OPCML: variants seen among roughly 807,000 people sequenced by gnomAD.
OPCML encodes the protein opioid-binding protein/cell adhesion molecule.
Under a neutral mutation model 37.8 loss-of-function variants are expected in OPCML, and 13 were observed. The ratio of observed to expected loss-of-function variants is 0.34; its 90% confidence interval spans 0.22 to 0.55. The LOEUF (loss-of-function observed/expected upper bound fraction) is 0.55, where lower values mean the gene tolerates loss of function less well. OPCML is among the 20% of genes least tolerant of loss of function. OPCML has a pLI of 0.91. For missense variants in OPCML, 341 were observed against 435.6 expected (o/e 0.78, Z 1.93); for synonymous variants, 176 against 168.8 (o/e 1.04, Z -0.33).
chr11:132,717,900 T>A (rs938488628), intron 2 of OPCML, among the ~76,000 whole-genome samples: 1 of 152,182 alleles, frequency 6.6e-6, no homozygotes, highest in Non-Finnish European at 1.5e-5. Flanking sequence ...TCGCTAGGGA[T>A]CTTCAATCCG....
intron 2 of OPCML, among the ~76,000 whole-genome samples, chr11:132,671,316 T>TA (rs1283278128): frequency 6.6e-6 from 1 of 152,034 alleles, no homozygotes; most frequent in Non-Finnish European, 1.5e-5. Context: ...CTGTCTCTCC[T>TA]AAAAAATAAA....
intron 2 of OPCML, among the ~76,000 whole-genome samples, chr11:132,922,812 T>C (rs966423119): frequency 1.3e-5 from 2 of 152,006 alleles, no homozygotes; most frequent in African/African-American, 4.8e-5. Flanking sequence ...GTGGCTCACG[T>C]CTGTAATCCC....
chr11:132,443,355 G>A (rs1398043960), intron 4 of OPCML, among the ~76,000 whole-genome samples: 1 of 152,222 alleles, frequency 6.6e-6, no homozygotes. Flanking sequence ...GAAGCCAGTG[G>A]GAGTGGGCAG....
intron 1 of OPCML, among the ~76,000 whole-genome samples, chr11:133,226,001 G>T (rs1247335782): frequency 6.6e-6 from 1 of 152,190 alleles, no homozygotes; most frequent in African/African-American, 2.4e-5. Flanking sequence ...TATAGATGAG[G>T]GAACTGTACA....
intron 2 of OPCML, among the ~76,000 whole-genome samples, chr11:132,763,740 C>G (rs1317321172): frequency 1.3e-5 from 2 of 152,204 alleles, no homozygotes; most frequent in East Asian, 1.9e-4. Flanking sequence ...GGAGAGTGCT[C>G]TTGGTGTTGT....
At chr11:132,544,335 A>G (rs2096363986) in intron 3 of OPCML, among the ~76,000 whole-genome samples, 1 of 152,200 alleles carries the variant, frequency 6.6e-6, no homozygotes, top group Non-Finnish European at 1.5e-5. Flanking sequence ...CCACCTGCCC[A>G]CCAGGAACTA....
intron 1 of OPCML, among the ~76,000 whole-genome samples, chr11:133,043,723 T>G (rs1445314171): frequency 6.6e-6 from 1 of 152,088 alleles, no homozygotes; most frequent in Non-Finnish European, 1.5e-5. Flanking sequence ...TACTTTTATG[T>G]GCATGATGAA....
intron 3 of OPCML, among the ~76,000 whole-genome samples, chr11:132,560,605 T>G (rs1198965857): frequency 6.6e-6 from 1 of 152,196 alleles, no homozygotes; most frequent in African/African-American, 2.4e-5. Flanking sequence ...GAACAAAGGA[T>G]TTTTGATTAT....
At chr11:132,543,170 A>G (rs1342928757) in intron 3 of OPCML, among the ~76,000 whole-genome samples, 1 of 152,220 alleles carries the variant, frequency 6.6e-6, no homozygotes, top group Non-Finnish European at 1.5e-5. Flanking sequence ...AGAAGGTTCT[A>G]GCTGTGAATA....
chr11:132,446,581 C>T (rs1346059622), intron 4 of OPCML, among the ~76,000 whole-genome samples: 1 of 152,042 alleles, frequency 6.6e-6, no homozygotes, highest in African/African-American at 2.4e-5. Context: ...CATAGTAGAG[C>T]TTAAACAGCT....
At chr11:133,100,285 T>TA (rs1949067328) in intron 1 of OPCML, among the ~76,000 whole-genome samples, 1 of 152,126 alleles carries the variant, frequency 6.6e-6, no homozygotes, top group Non-Finnish European at 1.5e-5. Context: ...TTTACGCATG[T>TA]AAAAAATCTG....
At chr11:132,488,857 C>A (rs1186404266) in intron 4 of OPCML, among the ~76,000 whole-genome samples, 2 of 152,138 alleles carry the variant, frequency 1.3e-5, no homozygotes, top group African/African-American at 4.8e-5. Context: ...AACCTGTATC[C>A]TTTCCATACT....
chr11:132,517,043 C>A (rs1382317206), intron 4 of OPCML, among the ~76,000 whole-genome samples: 1 of 152,156 alleles, frequency 6.6e-6, no homozygotes, highest in Non-Finnish European at 1.5e-5. Context: ...GAGGTCTTTT[C>A]ACAGCTGGTT....
chr11:133,133,862 T>C (rs951779445), intron 1 of OPCML, among the ~76,000 whole-genome samples: 36 of 152,278 alleles, frequency 2.4e-4, no homozygotes, highest in African/African-American at 8.2e-4. Flanking sequence ...GGAAAAAGCC[T>C]AGGTTGCAAT....
At chr11:132,696,542 G>A (rs1943606118) in intron 2 of OPCML, among the ~76,000 whole-genome samples, 1 of 152,128 alleles carries the variant, frequency 6.6e-6, no homozygotes, top group African/African-American at 2.4e-5. Flanking sequence ...AGAAGTAATT[G>A]TCAGGGAAAA....
intron 2 of OPCML, among the ~76,000 whole-genome samples, chr11:132,794,983 A>T (rs1938217205): frequency 6.6e-6 from 1 of 152,092 alleles, no homozygotes; most frequent in Admixed American, 6.6e-5. Context: ...CCATAAATGT[A>T]TAGAAAAATA....
intron 1 of OPCML, among the ~76,000 whole-genome samples, chr11:133,310,484 GC>G (rs1479983098): frequency 2.6e-5 from 4 of 152,112 alleles, no homozygotes; most frequent in Non-Finnish European, 5.9e-5. Flanking sequence ...ATACTTTATG[GC>G]ATAAGGTCAG....
rs921585567 is a variant in OPCML, at chr11:132,943,168, G to A, written c.62-158C>T. On this transcript the variant is annotated intron_variant, in intron 1 of 7. Transcript: ENST00000524381. The surrounding 1 kb of genome is among the most constrained non-coding windows in gnomAD (Gnocchi z 4.3). Reference sequence around the variant, plus strand: ...CCCCGCCCCGCGCACCAGCGGGCTCGGGAAGCGGTGCGGGGAGGAGGGAAG... The same window carrying A: ...CCCCGCCCCGCGCACCAGCGGGCTCAGGAAGCGGTGCGGGGAGGAGGGAAG... The A allele has an allele frequency of 2.6e-5, 42 of 1,597,602 alleles. No individual in the cohort carries two copies. The highest frequency in any genetic ancestry group is 3.3e-5 in the Non-Finnish European group (39 of 1,168,620).
intron 3 of OPCML, among the ~76,000 whole-genome samples, chr11:132,648,369 T>C (rs1363430486): frequency 3.9e-5 from 6 of 152,204 alleles, no homozygotes; most frequent in South Asian, 2.1e-4. Context: ...GAGATCACCA[T>C]GCAAATTCAG....
Sources: gnomAD v4.1 joint callset for allele counts (sites outside exome capture counted in the v4.1 genomes callset) on GRCh38, gnomAD v4.1.1 for gene constraint, Gnocchi (gnomAD v3.1) non-coding constraint, MANE v1.5 for transcripts, NCBI Gene and HGNC (gene_info 2026-07-23, HGNC 2026-07-21) for gene names.